TNRC6C: variants seen among roughly 807,000 people sequenced by gnomAD.
TNRC6C encodes trinucleotide repeat containing adaptor 6C, also known as trinucleotide repeat-containing gene 6C protein.
Under a neutral mutation model 153.7 loss-of-function variants are expected in TNRC6C, and 20 were observed. That is an observed-to-expected ratio of 0.13 (90% CI 0.09 to 0.19). The LOEUF (loss-of-function observed/expected upper bound fraction) is 0.19, where lower values mean the gene tolerates loss of function less well. TNRC6C is among the 10% of genes least tolerant of loss of function. The pLI is 1.00. For missense variants in TNRC6C, 1,987 were observed against 2,172.0 expected (o/e 0.91, Z 1.69); for synonymous variants, 811 against 841.4 (o/e 0.96, Z 0.63).
At chr17:78,023,055 G>C (rs2071866775) in intron 1 of TNRC6C, among the ~76,000 whole-genome samples, 1 of 152,136 alleles carries the variant, frequency 6.6e-6, no homozygotes, top group Admixed American at 6.5e-5. Context: ...GGAGGCTGAG[G>C]TGGGAGGAAC....
intron 1 of TNRC6C, among the ~76,000 whole-genome samples, chr17:77,995,939 G>A (rs2071321726): frequency 6.6e-6 from 1 of 152,160 alleles, no homozygotes; most frequent in South Asian, 2.1e-4. Context: ...CAGGCATGGT[G>A]ATCTGTGCCT....
upstream of TNRC6C, among the ~76,000 whole-genome samples, chr17:77,958,781 G>A (rs546289855): frequency 7.8e-4 from 116 of 149,100 alleles, no homozygotes; most frequent in African/African-American, 2.4e-3. Flanking sequence ...CGCCGCCGCC[G>A]GCCCCGCCGC....
At chr17:78,097,476 G>C (rs368923946) in intron 16 of TNRC6C, among the ~76,000 whole-genome samples, 5 of 152,250 alleles carry the variant, frequency 3.3e-5, no homozygotes, top group African/African-American at 9.6e-5. Flanking sequence ...GCATTCTGGC[G>C]GGAATTCTCA....
chr17:78,031,430 T>G, intron 1 of TNRC6C, 86 bp from the exon 4 acceptor site: 1 of 1,027,014 alleles, frequency 9.7e-7, no homozygotes, highest in Non-Finnish European at 1.2e-6. Flanking sequence ...TTTTCTCAGT[T>G]TTTGGTTATG....
At chr17:78,060,248 A>G (rs1485237966) in intron 3 of TNRC6C, among the ~76,000 whole-genome samples, 2 of 152,262 alleles carry the variant, frequency 1.3e-5, no homozygotes, top group South Asian at 4.1e-4. Flanking sequence ...TCTTGATTTC[A>G]GATAAGAAAG....
chr17:78,046,602 CA>C (rs2072416112), intron 2 of TNRC6C, among the ~76,000 whole-genome samples: 1 of 152,122 alleles, frequency 6.6e-6, no homozygotes, highest in African/African-American at 2.4e-5. Flanking sequence ...TTAGCATAGT[CA>C]AATTTATCAC....
intron 15 of TNRC6C, 177 bp from the exon 18 acceptor site, chr17:78,093,443 G>T: frequency 1.3e-6 from 1 of 789,926 alleles, no homozygotes; most frequent in South Asian, 1.9e-5. Context: ...GTGATACCTG[G>T]TTCTAGTTTG....
At position 78,005,056 on chromosome 17, in the gene TNRC6C, A is replaced by G; in HGVS notation, c.-569A>G. 1 of 1,220,312 alleles carries G rather than the reference A, an allele frequency of 8.2e-7. No homozygotes were observed. The highest frequency in any genetic ancestry group is 1.0e-6 in the Non-Finnish European group (1 of 982,508). 75.6% of individuals were successfully genotyped at this position (1,220,312 alleles called of 1,614,324 possible). A position where few individuals can be genotyped will look rare whatever the true frequency, so the allele number is the denominator to read the frequency against. ...TCTTTCTCTCTCTTTTTTTTTTTTCAGGCTGCTGATCAAAAAACCAAAGGT... is the reference window on the plus strand; with the variant it reads ...TCTTTCTCTCTCTTTTTTTTTTTTCGGGCTGCTGATCAAAAAACCAAAGGT... On this transcript the variant is annotated 5_prime_UTR_variant, in exon 1 of 20. Transcript: ENST00000301624.
rs1364079957 is a variant in TNRC6C, at chr17:78,079,846, A to G, written c.3357+305A>G. Among the ~76,000 whole-genome samples, 1 of 152,102 alleles carries G rather than the reference A, an allele frequency of 6.6e-6. No individual in the cohort carries two copies. The highest frequency in any genetic ancestry group is 2.4e-5 in the African/African-American group (1 of 41,402). ...GGAAGGACCTGCCCAACACACTCCC[A>G]TTGATGTGCTTTTGTCCCAGTCTTT... On this transcript the variant is annotated intron_variant, in intron 10 of 19. Coordinates refer to ENST00000301624, the Ensembl canonical transcript of TNRC6C. The surrounding 1 kb of genome is among the most constrained non-coding windows in gnomAD (Gnocchi z 4.3).
chr17:78,092,501 T>A (rs983768346), intron 14 of TNRC6C, among the ~76,000 whole-genome samples: 1 of 152,222 alleles, frequency 6.6e-6, no homozygotes, highest in Admixed American at 6.5e-5. Context: ...GGTATGGATA[T>A]GTATTTTGTA....
Position 78,104,583 on chromosome 17 carries a change from G to A in TNRC6C, c.4811G>A (p.Ser1604Asn). 6.4e-7 allele frequency: 1 copy of A among 1,553,424 alleles called. No homozygotes were observed. The highest frequency in any genetic ancestry group is 8.7e-7 in the Non-Finnish European group (1 of 1,148,454). ...GGCCAGGCGCTGCCACCCACTTCCA[G>A]CTGGCAGTCCAGCAGCGCGTCCAGC... is the stretch of plus-strand genomic sequence containing the variant. The change falls in exon 20 of 20, where the codon AGC (serine) becomes AAC (asparagine). Residue 1604 changes from serine (S) to asparagine (N), a missense_variant. Ser to Asn is a conservative substitution (Grantham distance 46). Coordinates refer to ENST00000301624, the Ensembl canonical transcript of TNRC6C. This position sits in a 1 kb window ranked among gnomAD's most constrained non-coding sequence, Gnocchi z 6.2.
exon 7 of TNRC6C, chr17:78,073,042 G>A: frequency 6.4e-7 from 1 of 1,554,946 alleles, no homozygotes; most frequent in Admixed American, 1.9e-5. Flanking sequence ...CACAGAGAGA[G>A]CCAGCTGAGG....
intron 2 of TNRC6C, among the ~76,000 whole-genome samples, chr17:78,046,122 G>T (rs2072403775): frequency 6.6e-6 from 1 of 150,908 alleles, no homozygotes; most frequent in African/African-American, 2.4e-5. Context: ...TAAATTGCCT[G>T]TTCCTATCCT....
upstream of TNRC6C, among the ~76,000 whole-genome samples, chr17:77,958,400 C>A (rs937188192): frequency 6.6e-6 from 1 of 151,984 alleles, no homozygotes; most frequent in African/African-American, 2.4e-5. Flanking sequence ...CCCGGCCACT[C>A]GGAGCGCGCA....
intron 7 of TNRC6C, among the ~76,000 whole-genome samples, chr17:78,074,585 G>A (rs1240397450): frequency 2.6e-5 from 4 of 152,216 alleles, no homozygotes; most frequent in Non-Finnish European, 4.4e-5. Context: ...CAACAGAGCC[G>A]TGAGAACAGA....
At chr17:78,086,328 TAAAAAAAAAA>T (rs58348772) in intron 11 of TNRC6C, among the ~76,000 whole-genome samples, 165 bp from the exon 14 acceptor site, 4 of 53,374 alleles carry the variant, frequency 7.5e-5, no homozygotes, top group Non-Finnish European at 1.3e-4. Context: ...AGACTCCATC[TAAAAAAAAAA>T]AAAAAAAAAA....
chr17:78,054,876 A>G (rs62078557), intron 3 of TNRC6C, among the ~76,000 whole-genome samples: 3,713 of 148,812 alleles, frequency 0.025, 59 homozygotes, highest in South Asian at 0.049. Context: ...ACACCACTGC[A>G]GACTACTGTA....
rs1467301740 is a variant in TNRC6C, at chr17:78,059,406, G to C, written c.2396-5316G>C. ...GGTAAGTGGGGCTGGACTTCAGCAA[G>C]GACTGGGGAGTTGGGAGCCTGCTAC... On this transcript the variant is annotated intron_variant, in intron 3 of 19. Transcript: ENST00000301624. 2.6e-5 allele frequency among the ~76,000 whole-genome samples: 4 copies of C among 152,356 alleles called. No homozygotes were observed. In the East Asian group the frequency reaches 7.7e-4, roughly 29 times the overall value.
chr17:78,030,323 T>TGC (rs1377607994), intron 1 of TNRC6C, among the ~76,000 whole-genome samples: 2 of 133,452 alleles, frequency 1.5e-5, no homozygotes, highest in African/African-American at 5.1e-5. Context: ...CTTGTGTGTG[T>TGC]GCGTGTGTGT....
Sources: gnomAD v4.1 joint callset for allele counts (sites outside exome capture counted in the v4.1 genomes callset) on GRCh38, gnomAD v4.1.1 for gene constraint, Gnocchi (gnomAD v3.1) non-coding constraint, MANE v1.5 for transcripts, NCBI Gene and HGNC (gene_info 2026-07-23, HGNC 2026-07-21) for gene names.